Variants in ATP13A3 observed in about 807,000 individuals in gnomAD.
ATP13A3 encodes the protein ATPase 13A3, also known as polyamine-transporting ATPase 13A3.
In ATP13A3, 59 loss-of-function variants were observed where a neutral mutation model predicts 158.1. That is an observed-to-expected ratio of 0.37 (90% CI 0.30 to 0.46). ATP13A3 has a LOEUF of 0.46. Among genes scored for constraint, ATP13A3 ranks in the 20% least tolerant of loss-of-function variants. ATP13A3 has a pLI of 1.00. For synonymous variants in ATP13A3, 491 were observed against 504.3 expected (o/e 0.97, Z 0.35); for missense variants, 1,166 against 1,525.2 (o/e 0.76, Z 3.92).
At chr3:194,479,272 T>C (rs77186162) in intron 2 of ATP13A3, among the ~76,000 whole-genome samples, 15 of 152,310 alleles carry the variant, frequency 9.8e-5, no homozygotes, top group Middle Eastern at 3.4e-3. Context: ...AAAAGACCCA[T>C]TAAATATTTC....
chr3:194,464,018 G>A lies in ATP13A3; in HGVS notation c.-46-1782C>T, dbSNP rs147503058. On this transcript the variant is annotated intron_variant, in intron 2 of 33. Coordinates refer to ENST00000645319, the MANE Select transcript of ATP13A3 (RefSeq NM_001367549.1). ...CTTTACAAAAATACAAAAATTAGCC[G>A]GGCATGATGGCGGGTGCCTGTAATC... 4.3e-4 allele frequency among the ~76,000 whole-genome samples: 66 copies of A among 152,170 alleles called. No homozygotes were observed. In the East Asian group the frequency reaches 8.1e-3, roughly 19 times the overall value.
chr3:194,427,959 G>A (rs890720660), intron 28 of ATP13A3, among the ~76,000 whole-genome samples: 4 of 151,672 alleles, frequency 2.6e-5, no homozygotes, highest in East Asian at 2.0e-4. Context: ...ACTGGCTCAC[G>A]CCTGTAATCC....
intron 10 of ATP13A3, chr3:194,452,515 T>C (rs900060888): frequency 1.3e-5 from 2 of 152,230 alleles, no homozygotes; most frequent in Admixed American, 1.3e-4. Flanking sequence ...AAATTAATAA[T>C]AATAGCCTTC....
intron 2 of ATP13A3, among the ~76,000 whole-genome samples, chr3:194,483,406 A>G (rs552820642): frequency 7.5e-6 from 1 of 133,640 alleles, no homozygotes; most frequent in African/African-American, 3.1e-5. Context: ...CCTGGGCAAC[A>G]CGGTGAAAAC....
chr3:194,493,224 G>A (rs1053672617), intron 2 of ATP13A3, among the ~76,000 whole-genome samples: 7 of 151,886 alleles, frequency 4.6e-5, no homozygotes, highest in African/African-American at 1.7e-4. Context: ...GCTTATCACT[G>A]TAGACCCAGC....
intron 11 of ATP13A3, among the ~76,000 whole-genome samples, chr3:194,449,344 C>T (rs1483721142): frequency 6.6e-6 from 1 of 151,398 alleles, no homozygotes; most frequent in Non-Finnish European, 1.5e-5. Context: ...CATTTTCTAG[C>T]CAGATCAACT....
chr3:194,427,154 T>C lies in ATP13A3; in HGVS notation c.3046A>G (p.Ile1016Val), dbSNP rs1237762754. The C allele has an allele frequency of 3.7e-6, 6 of 1,613,702 alleles. No homozygotes were observed. In the Admixed American group the frequency reaches 5.0e-5, roughly 13 times the overall value. Reference protein sequence around the residue: ...LLFSVLSQIIICIGFQSLGFF... With the variant: ...LLFSVLSQIIVCIGFQSLGFF... The stretch of plus-strand genomic sequence containing the variant: ...CCCAAAGATTGAAATCCAATGCAGA[T>C]GATAATCTGAGACAAAACGGAGAAG... Residue 1016 changes from isoleucine (I) to valine (V), a missense_variant, in exon 29 of 34, where the codon ATC (isoleucine) becomes GTC (valine). This residue lies in a region of ATP13A3 where 997 missense variants were observed against 1,341.2 expected (regional missense o/e 0.74). Transcript: ENST00000645319.
intron 2 of ATP13A3, among the ~76,000 whole-genome samples, chr3:194,476,077 A>G (rs1720510321): frequency 6.6e-6 from 1 of 152,158 alleles, no homozygotes; most frequent in South Asian, 2.1e-4. Flanking sequence ...TCCATAAGGA[A>G]AATAGTGTCT....
Position 194,437,468 on chromosome 3 carries a change from T to C in ATP13A3, c.1846-4A>G, listed in dbSNP as rs1205727654. ...CAATTCCTATCTCATAAGTAGCCTATATCATTTCAAAAGAGGCACAAAGCA... is the reference window on the plus strand; with the variant it reads ...CAATTCCTATCTCATAAGTAGCCTACATCATTTCAAAAGAGGCACAAAGCA... On this transcript the variant is annotated splice_polypyrimidine_tract_variant and splice_region_variant and intron_variant, in intron 18 of 33. Transcript: ENST00000645319. The C allele has an allele frequency of 1.9e-6, 3 of 1,614,120 alleles. No homozygotes were observed. Among genetic ancestry groups the C allele is most frequent in the East Asian group, 2.2e-5 (1 of 44,880 alleles).
chr3:194,463,772 C>T (rs1168844474), intron 2 of ATP13A3, among the ~76,000 whole-genome samples: 17 of 152,192 alleles, frequency 1.1e-4, no homozygotes. Context: ...TATAAATTAA[C>T]AGCCAAGTAA....
intron 31 of ATP13A3, among the ~76,000 whole-genome samples, chr3:194,417,178 T>C (rs1715911459): frequency 6.6e-6 from 1 of 152,088 alleles, no homozygotes; most frequent in African/African-American, 2.4e-5. Context: ...CTGGGCACAG[T>C]GGCTCACCAA....
At chr3:194,417,422 C>T (rs1009323797) in intron 31 of ATP13A3, among the ~76,000 whole-genome samples, 2 of 151,172 alleles carry the variant, frequency 1.3e-5, no homozygotes, top group African/African-American at 4.9e-5. Flanking sequence ...CACACACACA[C>T]ACACACACAC....
chr3:194,410,296 CAAAAAAAA>C (rs772008929), intron 33 of ATP13A3, among the ~76,000 whole-genome samples: 17 of 21,816 alleles, frequency 7.8e-4, no homozygotes, highest in East Asian at 3.0e-3. Context: ...CTCCTCTCTG[CAAAAAAAA>C]AAAAAAAAAA....
In ATP13A3 at chr3:194,413,745, A is replaced by G; in HGVS notation, c.3483+14T>C. ...AAAGCAACATGGTAGCCATTTGACT[A>G]TGGAAGTGCTTACCTCCACTGTGAT... is the stretch of plus-strand genomic sequence containing the variant. On this transcript the variant is annotated intron_variant, in intron 32 of 33. Transcript: ENST00000645319. 1.3e-6 allele frequency: 2 copies of G among 1,599,924 alleles called. No homozygotes were observed. The highest frequency in any genetic ancestry group is 1.7e-6 in the Non-Finnish European group (2 of 1,167,064).
chr3:194,437,759 A>G (rs1717764179), intron 17 of ATP13A3, among the ~76,000 whole-genome samples, 186 bp from the exon 18 acceptor site: 2 of 152,232 alleles, frequency 1.3e-5, no homozygotes, highest in African/African-American at 4.8e-5. Flanking sequence ...GTTCTTAAAT[A>G]TTTTCAAATG....
chr3:194,417,202 C>A (rs1355929438), intron 31 of ATP13A3, among the ~76,000 whole-genome samples: 1 of 152,026 alleles, frequency 6.6e-6, no homozygotes, highest in African/African-American at 2.4e-5. Flanking sequence ...AGGGAGCTCA[C>A]CCGAGGTCAA....
At chr3:194,482,849 TG>T (rs1275409966) in intron 2 of ATP13A3, among the ~76,000 whole-genome samples, 5 of 152,122 alleles carry the variant, frequency 3.3e-5, no homozygotes, top group African/African-American at 1.2e-4. Flanking sequence ...GGCTCACGCC[TG>T]TAATCCCAGC....
chr3:194,470,580 T>TA (rs576175561), intron 2 of ATP13A3, among the ~76,000 whole-genome samples: 41 of 151,402 alleles, frequency 2.7e-4, no homozygotes, highest in African/African-American at 5.6e-4. Context: ...TCTCTCTTTA[T>TA]AAAAAAAAAT....
intron 30 of ATP13A3, among the ~76,000 whole-genome samples, chr3:194,423,565 C>CTTTA (rs1359212830): frequency 1.3e-5 from 2 of 152,198 alleles, no homozygotes; most frequent in Non-Finnish European, 2.9e-5. Context: ...AGAAGGCATG[C>CTTTA]TTTACAACAG....
Sources: allele counts gnomAD v4.1 joint callset (sites outside exome capture counted in the v4.1 genomes callset), GRCh38; gene constraint gnomAD v4.1.1; regional missense constraint gnomAD v4.1.1; transcripts MANE v1.5; gene names NCBI Gene and HGNC (gene_info 2026-07-23, HGNC 2026-07-21).